BICC1: variants seen among roughly 807,000 people sequenced by gnomAD.
The protein encoded by BICC1 is BicC family RNA binding protein 1.
A neutral mutation model predicts 111.0 loss-of-function variants in BICC1; 43 were observed. That is an observed-to-expected ratio of 0.39 (90% CI 0.30 to 0.50). The LOEUF (loss-of-function observed/expected upper bound fraction) is 0.50, where lower values mean the gene tolerates loss of function less well. BICC1 is among the 20% of genes least tolerant of loss of function. BICC1 has a pLI of 0.88. For missense variants in BICC1, 1,091 were observed against 1,203.2 expected, an observed-to-expected ratio of 0.91 and a Z score of 1.38; for synonymous variants, 467 against 434.4, an observed-to-expected ratio of 1.07 and a Z score of -0.93.
chr10:58,648,735 C>T (rs1490382694), intron 2 of BICC1: 1 of 828,944 alleles, frequency 1.2e-6, no homozygotes, highest in Non-Finnish European at 1.5e-6. Flanking sequence ...ACTTGCTACT[C>T]CTGTCTTTTA....
intron 17 of BICC1, among the ~76,000 whole-genome samples, chr10:58,813,332 T>C (rs1318720503): frequency 6.6e-6 from 1 of 152,178 alleles, no homozygotes; most frequent in African/African-American, 2.4e-5. Context: ...GATTGTATCC[T>C]TGTTTGTTTA....
chr10:58,662,575 C>T (rs989522090), intron 2 of BICC1, among the ~76,000 whole-genome samples: 6 of 152,020 alleles, frequency 3.9e-5, no homozygotes, highest in South Asian at 2.1e-4. Flanking sequence ...GAATATCAGA[C>T]GTTTTGACTA....
chr10:58,598,997 G>A lies in BICC1; in HGVS notation c.191-21858G>A, dbSNP rs181770593. Among the ~76,000 whole-genome samples, 102 of 152,264 alleles carry A rather than the reference G, an allele frequency of 6.7e-4. 1 individual carries two copies. Among genetic ancestry groups the A allele is most frequent in the Admixed American group, 2.4e-3 (37 of 15,292 alleles). ...AGAATGGCGATCGTTAAAAAGTCAG[G>A]CAACAACAGATGCTGGAGAGGATGT... is the stretch of plus-strand genomic sequence containing the variant. On this transcript the variant is annotated intron_variant, in intron 1 of 20. Transcript: ENST00000373886.
rs1843427523 is a variant in BICC1, at chr10:58,798,438, C to T, written c.1406C>T (p.Thr469Ile). 1.9e-6 allele frequency: 3 copies of T among 1,611,746 alleles called. No individual in the cohort carries two copies. The South Asian group carries it at 3.3e-5, about 18-fold the overall frequency. Residue 469 changes from threonine (T) to isoleucine (I), a missense_variant, in exon 11 of 21, where the codon ACA becomes ATA. Transcript: ENST00000373886. ...ACCACCTTATCTCTGAACACTTCAA[C>T]AACCCCAAACTCACTCTTGAATGCT... The part of the protein sequence containing the change: ...GPTTLSLNTS[T>I]TPNSLLNALN...
At chr10:58,548,420 G>GA (rs1178892620) in intron 1 of BICC1, among the ~76,000 whole-genome samples, 2 of 152,258 alleles carry the variant, frequency 1.3e-5, no homozygotes, top group East Asian at 3.9e-4. Flanking sequence ...TTCCATCACT[G>GA]AGTGTATTTT....
At chr10:58,790,517 A>G (rs1357049738) in intron 8 of BICC1, among the ~76,000 whole-genome samples, 6 of 152,168 alleles carry the variant, frequency 3.9e-5, no homozygotes, top group East Asian at 1.9e-4. Context: ...CAATATTTCT[A>G]TCCTTCCCAT....
At chr10:58,827,441 CA>C (rs1052318063) in intron 20 of BICC1, among the ~76,000 whole-genome samples, 1 of 151,284 alleles carries the variant, frequency 6.6e-6, no homozygotes, top group African/African-American at 2.4e-5. Flanking sequence ...GTGGATATGG[CA>C]AAAAAAATAA....
At chr10:58,772,692 TGCAGTTATAG>T (rs1167225418) in intron 3 of BICC1, among the ~76,000 whole-genome samples, 1 of 152,200 alleles carries the variant, frequency 6.6e-6, no homozygotes, top group Non-Finnish European at 1.5e-5. Context: ...AGTCTTTGGA[TGCAGTTATAG>T]GCCGGTTTGT....
At chr10:58,578,346 C>A (rs1419354068) in intron 1 of BICC1, among the ~76,000 whole-genome samples, 1 of 151,928 alleles carries the variant, frequency 6.6e-6, no homozygotes, top group Non-Finnish European at 1.5e-5. Context: ...TTTTATTTTT[C>A]TACCAGTATA....
chr10:58,558,824 C>G (rs1047185176), intron 1 of BICC1, among the ~76,000 whole-genome samples: 2 of 152,000 alleles, frequency 1.3e-5, no homozygotes, highest in Non-Finnish European at 2.9e-5. Context: ...ATAGATGATG[C>G]CTTCTAGCTG....
chr10:58,729,295 A>T (rs1445368302), intron 3 of BICC1, among the ~76,000 whole-genome samples: 1 of 152,242 alleles, frequency 6.6e-6, no homozygotes, highest in Non-Finnish European at 1.5e-5. Flanking sequence ...TACAGCTTCT[A>T]CATCAGCACT....
intron 3 of BICC1, among the ~76,000 whole-genome samples, chr10:58,708,604 C>T (rs1011924784): frequency 2.0e-5 from 3 of 152,152 alleles, no homozygotes; most frequent in Non-Finnish European, 2.9e-5. Context: ...ATACATAGGG[C>T]CCGAAGATTG....
At chr10:58,765,545 T>A (rs1420042599) in intron 3 of BICC1, among the ~76,000 whole-genome samples, 1 of 152,238 alleles carries the variant, frequency 6.6e-6, no homozygotes, top group African/African-American at 2.4e-5. Context: ...AAGTTCACAT[T>A]AATAAGGTTG....
intron 1 of BICC1, among the ~76,000 whole-genome samples, chr10:58,549,999 A>T (rs972366312): frequency 3.3e-5 from 5 of 151,656 alleles, no homozygotes; most frequent in African/African-American, 1.2e-4. Context: ...TAGTTTCAAG[A>T]ATTCTTTGTA....
At chr10:58,577,693 C>T (rs1399839693) in intron 1 of BICC1, among the ~76,000 whole-genome samples, 5 of 152,170 alleles carry the variant, frequency 3.3e-5, no homozygotes, top group Non-Finnish European at 5.9e-5. Context: ...TGCAATCTTT[C>T]TGAAGCTGCT....
At chr10:58,566,476 A>T (rs1843768653) in intron 1 of BICC1, among the ~76,000 whole-genome samples, 3 of 152,150 alleles carry the variant, frequency 2.0e-5, no homozygotes, top group Admixed American at 2.0e-4. Context: ...ATGTGCAAGT[A>T]TCCTTTTTGT....
chr10:58,559,490 A>G (rs1199210854), intron 1 of BICC1, among the ~76,000 whole-genome samples: 1 of 152,044 alleles, frequency 6.6e-6, no homozygotes, highest in Non-Finnish European at 1.5e-5. Flanking sequence ...CAGTTCTAAG[A>G]ATTGGTGGAG....
At chr10:58,787,315 C>T (rs538765355) in intron 5 of BICC1, among the ~76,000 whole-genome samples, 13 of 152,118 alleles carry the variant, frequency 8.5e-5, no homozygotes, top group South Asian at 8.3e-4. Flanking sequence ...TAAAAAATAG[C>T]GGAAGATGTA....
intron 1 of BICC1, among the ~76,000 whole-genome samples, chr10:58,557,010 A>G (rs1451422655): frequency 6.6e-6 from 1 of 152,044 alleles, no homozygotes; most frequent in Non-Finnish European, 1.5e-5. Flanking sequence ...GACTTTGCAG[A>G]TGTGATTAAG....
Sources: gnomAD v4.1 joint callset for allele counts (sites outside exome capture counted in the v4.1 genomes callset) on GRCh38, gnomAD v4.1.1 for gene constraint, MANE v1.5 for transcripts, NCBI Gene and HGNC (gene_info 2026-07-23, HGNC 2026-07-21) for gene names.